Variants in MRPL43 observed in about 807,000 individuals in gnomAD.
MRPL43 encodes large ribosomal subunit protein mL43.
A neutral mutation model predicts 12.7 loss-of-function variants in MRPL43; 9 were observed. The ratio of observed to expected loss-of-function variants is 0.71; its 90% confidence interval spans 0.43 to 1.24. The LOEUF is 1.24. Among genes scored for constraint, MRPL43 ranks in the 50% most tolerant of loss-of-function variants. MRPL43 has a pLI of 0.00. For synonymous variants in MRPL43, 116 were observed against 96.4 expected (o/e 1.20, Z -1.19); for missense variants, 211 against 229.2 (o/e 0.92, Z 0.51).
At chr10:100,980,087 G>A (rs766581235), downstream of MRPL43, 1 of 1,612,624 alleles carries the variant, frequency 6.2e-7, no homozygotes. Context: ...AGGTGGTGGA[G>A]TCCCGAGGTT....
downstream of MRPL43, chr10:100,983,519 G>A: frequency 2.5e-6 from 4 of 1,614,200 alleles, no homozygotes; most frequent in Non-Finnish European, 3.4e-6. Context: ...GCTATGCCGA[G>A]GAAAATGGCC....
At chr10:100,978,280 T>C, downstream of MRPL43, 1 of 1,605,602 alleles carries the variant, frequency 6.2e-7, no homozygotes, top group Non-Finnish European at 8.5e-7. Context: ...TTACTGCTGG[T>C]TCCTTGTTCC....
At position 100,986,778 on chromosome 10, in the gene MRPL43, G is replaced by C. The variant is rs1424132615; in HGVS notation, c.436C>G (p.Arg146Gly). ...GCTGGGGCAGGATCCTGAACCTCTCGGGGGCGTAGCCCGCGGAACGTGGTC... is the reference window on the plus strand; with the variant it reads ...GCTGGGGCAGGATCCTGAACCTCTCCGGGGCGTAGCCCGCGGAACGTGGTC... ...KPTTFRGLRPREVQDPAPAQV... is the reference protein window; with the variant it reads ...KPTTFRGLRPGEVQDPAPAQV... Residue 146 changes from arginine to glycine, a missense_variant, in exon 3 of 3, where the codon CGA becomes GGA. Physicochemically the swap from Arg to Gly is moderately radical, Grantham distance 125. Coordinates refer to ENST00000318364, the MANE Select transcript of MRPL43 (RefSeq NM_032112.3). 5 of 1,613,678 alleles carry C rather than the reference G, an allele frequency of 3.1e-6. No individual in the cohort carries two copies. In the Admixed American group the frequency reaches 6.7e-5, roughly 22 times the overall value.
downstream of MRPL43, chr10:100,981,516 A>T (rs767585641): frequency 2.5e-6 from 4 of 1,614,048 alleles, no homozygotes; most frequent in African/African-American, 5.3e-5. Flanking sequence ...GTATTTCCCC[A>T]AGGAAGATCG....
chr10:100,987,224 T>C (rs1258206977), intron 1 of MRPL43, 28 bp from the exon 2 acceptor site: 5 of 1,613,400 alleles, frequency 3.1e-6, no homozygotes, highest in African/African-American at 1.3e-5. Context: ...GTGAGCAGTA[T>C]GACCCCTGAC....
At position 100,987,148 on chromosome 10, in the gene MRPL43, C is replaced by T. The variant is rs1340156835; in HGVS notation, c.180G>A (p.Gly60=). The T allele has an allele frequency of 6.2e-7, 1 of 1,613,952 alleles. No individual in the cohort carries two copies. The highest frequency in any genetic ancestry group is 1.7e-5 in the Admixed American group (1 of 60,028). ...EVIDFARRNP[G]VVIYVNSRPC... ...GACGCGAGTTTACATATATTACGAC[C>T]CCTGGATTCCGTCGGGCGAAGTCGA... The change falls in exon 2 of 3, where the codon GGG becomes GGA. Residue 60 remains glycine (G), a synonymous_variant. Transcript: ENST00000318364.
At chr10:100,983,662 C>T (rs751374543), downstream of MRPL43, 33 of 1,613,368 alleles carry the variant, frequency 2.0e-5, no homozygotes, top group Admixed American at 3.3e-5. Flanking sequence ...GCCATTGCCG[C>T]GCTTGGTGGC....
downstream of MRPL43, among the ~76,000 whole-genome samples, chr10:100,986,091 G>A (rs971819762): frequency 1.6e-4 from 24 of 152,222 alleles, no homozygotes; most frequent in Admixed American, 1.4e-3. Flanking sequence ...GAGAAAGCTT[G>A]TCAGCCAGGA....
chr10:100,981,635 T>A, downstream of MRPL43: 1 of 1,427,240 alleles, frequency 7.0e-7, no homozygotes. Flanking sequence ...CTATGCATGA[T>A]GTCATCTACT....
downstream of MRPL43, chr10:100,983,300 C>T (rs1045125839): frequency 3.9e-6 from 6 of 1,525,076 alleles, no homozygotes; most frequent in East Asian, 1.2e-4. Context: ...CCCCAAACCC[C>T]ACAGGGCCAC....
chr10:100,986,167 G>C (rs927399976), downstream of MRPL43: 1 of 506,122 alleles, frequency 2.0e-6, no homozygotes, highest in African/African-American at 2.1e-5. Flanking sequence ...CTTGGCCTTT[G>C]ATACTAACCA....
Position 100,986,502 on chromosome 10 carries a change from T to C in MRPL43, c.*232A>G, listed in dbSNP as rs1196496494. 1.3e-6 allele frequency: 2 copies of C among 1,550,664 alleles called. No individual in the cohort carries two copies. Reference sequence around the variant, plus strand: ...TGTAAAACCCTTGAAGTCTTCCTCATCTCAGGTTTTAGGGATGCCACTTGC... The same window carrying C: ...TGTAAAACCCTTGAAGTCTTCCTCACCTCAGGTTTTAGGGATGCCACTTGC... On this transcript the variant is annotated 3_prime_UTR_variant, in exon 3 of 3. Coordinates refer to ENST00000318364, the MANE Select transcript of MRPL43 (RefSeq NM_032112.3).
chr10:100,979,905 C>T (rs1850979346), downstream of MRPL43: 1 of 1,613,992 alleles, frequency 6.2e-7, no homozygotes, highest in African/African-American at 1.3e-5. Context: ...TCCAGGCTGT[C>T]TTTGCAGGAC....
At position 100,986,974 on chromosome 10, in the gene MRPL43, A is replaced by G; in HGVS notation, c.240T>C (p.Leu80=). ...CCVPRVVAEY[L]NGAVREESIH... ...TGCTCTCCTCGCGCACAGCCCCGTT[A>G]ACTGGCAGAAGAGGGGTGAGAGTGG... is the stretch of plus-strand genomic sequence containing the variant. The change falls in exon 3 of 3, where the codon CTT becomes CTC. Residue 80 remains leucine, a splice_region_variant and synonymous_variant. Coordinates refer to ENST00000318364, the MANE Select transcript of MRPL43 (RefSeq NM_032112.3). 1 of 1,606,218 alleles carries G rather than the reference A, an allele frequency of 6.2e-7. No individual in the cohort carries two copies. Among genetic ancestry groups the G allele is most frequent in the Non-Finnish European group, 8.5e-7 (1 of 1,179,886 alleles).
chr10:100,982,249 G>A (rs1351530277), downstream of MRPL43, among the ~76,000 whole-genome samples: 1 of 152,030 alleles, frequency 6.6e-6, no homozygotes, highest in Non-Finnish European at 1.5e-5. Flanking sequence ...GCACATTTGA[G>A]TGACAGGAGA....
At chr10:100,978,422 T>C, downstream of MRPL43, 1 of 1,606,712 alleles carries the variant, frequency 6.2e-7, no homozygotes, top group Non-Finnish European at 8.5e-7. Context: ...ACAGACATGG[T>C]ATTTTTAGGA....
At chr10:100,985,625 T>C (rs968884077), downstream of MRPL43, 1 of 152,616 alleles carries the variant, frequency 6.6e-6, no homozygotes, top group East Asian at 1.9e-4. Context: ...CAGCTATGAC[T>C]AGTCTGCTTC....
At chr10:100,983,828 A>AGATGAGGGTGAT (rs772358119), downstream of MRPL43, 15 of 1,599,944 alleles carry the variant, frequency 9.4e-6, no homozygotes, top group African/African-American at 2.0e-4. Context: ...CTGGAGAGGA[A>AGATGAGGGTGAT]GATGAGGGTG....
chr10:100,984,547 T>C, downstream of MRPL43: 1 of 1,536,188 alleles, frequency 6.5e-7, no homozygotes, highest in Non-Finnish European at 8.7e-7. Flanking sequence ...TGGCCCTGTG[T>C]GCTGGATGGT....
Sources: allele counts gnomAD v4.1 joint callset (sites outside exome capture counted in the v4.1 genomes callset), GRCh38; gene constraint gnomAD v4.1.1; transcripts MANE v1.5; gene names NCBI Gene and HGNC (gene_info 2026-07-23, HGNC 2026-07-21).